PIP4K2A: variants seen among roughly 807,000 people sequenced by gnomAD.
PIP4K2A encodes the protein phosphatidylinositol 5-phosphate 4-kinase type-2 alpha.
In PIP4K2A, 14 loss-of-function variants were observed where a neutral mutation model predicts 42.9. That is an observed-to-expected ratio of 0.33 (90% CI 0.22 to 0.51). The LOEUF is 0.51. Ranked by LOEUF, PIP4K2A falls within the 20% of genes least tolerant of loss-of-function variation. The pLI is 0.97. For missense variants in PIP4K2A, 434 were observed against 519.8 expected, an observed-to-expected ratio of 0.83 and a Z score of 1.61; for synonymous variants, 192 against 192.2, an observed-to-expected ratio of 1.00 and a Z score of 0.01.
intron 6 of PIP4K2A, among the ~76,000 whole-genome samples, chr10:22,561,297 T>C (rs932669138): frequency 1.3e-5 from 2 of 152,260 alleles, no homozygotes; most frequent in Admixed American, 6.5e-5. Flanking sequence ...AGTGATTCCA[T>C]TGTTAGAATA....
At chr10:22,612,301 T>C (rs751104060) in intron 1 of PIP4K2A, among the ~76,000 whole-genome samples, 2 of 151,558 alleles carry the variant, frequency 1.3e-5, no homozygotes, top group Non-Finnish European at 2.9e-5. Context: ...AATGACAGAG[T>C]CAGGAGGGAG....
At chr10:22,633,334 C>T (rs774037510) in intron 1 of PIP4K2A, among the ~76,000 whole-genome samples, 1 of 152,174 alleles carries the variant, frequency 6.6e-6, no homozygotes, top group Non-Finnish European at 1.5e-5. Context: ...AAGCTGCTTA[C>T]GAGGTAGATG....
chr10:22,541,939 C>T lies in PIP4K2A; in HGVS notation c.901G>A (p.Glu301Lys), dbSNP rs1175688651. 2 of 1,613,946 alleles carry T rather than the reference C, an allele frequency of 1.2e-6. No homozygotes were observed. The highest frequency in any genetic ancestry group is 1.7e-6 in the Non-Finnish European group (2 of 1,179,984). ...GGGTGGGTGCCATCGCTCTCGCCCT[C>T]CTCCTCCCCATCGTTCTCCTCACAC... ...VECEENDGEE[E>K]GESDGTHPVG... The change falls in exon 8 of 10, where the codon GAG (glutamate) becomes AAG (lysine). Residue 301 changes from glutamate to lysine, a missense_variant. Coordinates refer to ENST00000376573, the MANE Select transcript of PIP4K2A (RefSeq NM_005028.5).
chr10:22,602,597 T>C (rs995959899), intron 3 of PIP4K2A, among the ~76,000 whole-genome samples: 1 of 152,082 alleles, frequency 6.6e-6, no homozygotes, highest in South Asian at 2.1e-4. Flanking sequence ...TCTGCCACCA[T>C]CCAAATACCT....
At chr10:22,607,120 G>GA (rs757335770) in intron 3 of PIP4K2A, among the ~76,000 whole-genome samples, 4 of 152,066 alleles carry the variant, frequency 2.6e-5, no homozygotes, top group African/African-American at 4.8e-5. Context: ...TTCTGATTGG[G>GA]ATACTCAACC....
intron 4 of PIP4K2A, among the ~76,000 whole-genome samples, chr10:22,580,452 T>C (rs1837243897): frequency 6.6e-6 from 1 of 151,836 alleles, no homozygotes; most frequent in South Asian, 2.1e-4. Context: ...GAGTTTGAGA[T>C]CAACCTGGCC....
At chr10:22,693,138 T>C (rs974570556) in intron 1 of PIP4K2A, among the ~76,000 whole-genome samples, 10 of 152,208 alleles carry the variant, frequency 6.6e-5, no homozygotes, top group Admixed American at 2.6e-4. Context: ...GTCCTCCCAT[T>C]AGACAAGGAT....
intron 1 of PIP4K2A, among the ~76,000 whole-genome samples, chr10:22,701,388 T>C (rs1459023356): frequency 6.6e-6 from 1 of 152,190 alleles, no homozygotes; most frequent in African/African-American, 2.4e-5. Context: ...TCAAACCTTT[T>C]AGGCTATGGG....
At chr10:22,570,444 T>C (rs1259357482) in intron 5 of PIP4K2A, among the ~76,000 whole-genome samples, 12 of 152,228 alleles carry the variant, frequency 7.9e-5, no homozygotes, top group Admixed American at 7.9e-4. Flanking sequence ...GAGCTGGTGC[T>C]GGCAAGGGCC....
At chr10:22,571,865 T>C (rs1249437344) in intron 5 of PIP4K2A, among the ~76,000 whole-genome samples, 1 of 152,244 alleles carries the variant, frequency 6.6e-6, no homozygotes, top group Non-Finnish European at 1.5e-5. Flanking sequence ...ACATTCCAAC[T>C]ATCTCACATT....
At chr10:22,670,444 C>G (rs1250411205) in intron 1 of PIP4K2A, among the ~76,000 whole-genome samples, 1 of 152,182 alleles carries the variant, frequency 6.6e-6, no homozygotes, top group African/African-American at 2.4e-5. Context: ...CATATGCAAA[C>G]AGCTGTGACC....
At chr10:22,699,263 T>C (rs187914082) in intron 1 of PIP4K2A, among the ~76,000 whole-genome samples, 15 of 152,262 alleles carry the variant, frequency 9.9e-5, no homozygotes, top group Admixed American at 9.8e-4. Flanking sequence ...AATTTATGAA[T>C]GGGTTGTGTT....
chr10:22,641,202 T>C (rs778778023), intron 1 of PIP4K2A, among the ~76,000 whole-genome samples: 3 of 152,174 alleles, frequency 2.0e-5, no homozygotes, highest in African/African-American at 2.4e-5. Flanking sequence ...CCTCATTTTA[T>C]AAATGAAGAG....
intron 1 of PIP4K2A, among the ~76,000 whole-genome samples, chr10:22,680,065 AATT>A (rs1839630293): frequency 6.6e-6 from 1 of 151,836 alleles, no homozygotes; most frequent in South Asian, 2.1e-4. Flanking sequence ...ATCATATGTG[AATT>A]ATATCTCAAT....
chr10:22,664,171 A>G lies in PIP4K2A; in HGVS notation c.144+50012T>C, dbSNP rs1165140451. ...TATATACACATATATATATATACATATATATATATACATATATATACATAT... is the reference window on the plus strand; with the variant it reads ...TATATACACATATATATATATACATGTATATATATACATATATATACATAT... On this transcript the variant is annotated intron_variant, in intron 1 of 9. Coordinates refer to ENST00000376573, the MANE Select transcript of PIP4K2A (RefSeq NM_005028.5). 2.2e-3 allele frequency among the ~76,000 whole-genome samples: 134 copies of G among 60,184 alleles called. 11 individuals are homozygous for G. Among genetic ancestry groups the G allele is most frequent in the African/African-American group, 0.017 (126 of 7,412 alleles). 39.5% of individuals were successfully genotyped at this position (60,184 alleles called of 152,430 possible). A position where few individuals can be genotyped will look rare whatever the true frequency, so the allele number is the denominator to read the frequency against.
In PIP4K2A at chr10:22,539,912, G is replaced by GGAGA. The variant is rs35358870; in HGVS notation, c.1140+55_1140+58dup. 3 of 452,170 alleles carry GGAGA rather than the reference G, an allele frequency of 6.6e-6. No individual in the cohort carries two copies. In the South Asian group the frequency reaches 9.8e-5, roughly 15 times the overall value. The allele number at this position is 452,170 out of a possible 1,614,324, so 28.0% of individuals were successfully genotyped here. A position where few individuals can be genotyped will look rare whatever the true frequency, so the allele number is the denominator to read the frequency against. On this transcript the variant is annotated intron_variant, in intron 9 of 9. Transcript: ENST00000376573. Reference sequence around the variant, plus strand: ...GAGAGAGAGAGAGAGAGAGAGAGAGGGAGAGAGAGAGAGAGAGAGGGAGAG... The same window carrying GGAGA: ...GAGAGAGAGAGAGAGAGAGAGAGAGGGAGAGAGAGAGAGAGAGAGAGAGGGAGAG...
intron 1 of PIP4K2A, among the ~76,000 whole-genome samples, chr10:22,670,514 G>C (rs1179110008): frequency 6.6e-6 from 1 of 152,060 alleles, no homozygotes; most frequent in Non-Finnish European, 1.5e-5. Context: ...CTCTTACTCG[G>C]CAATTCTTTA....
chr10:22,703,398 G>C (rs943463158), intron 1 of PIP4K2A, among the ~76,000 whole-genome samples: 1 of 152,120 alleles, frequency 6.6e-6, no homozygotes, highest in African/African-American at 2.4e-5. Context: ...AACAGAGCGA[G>C]ACCTTGTCTC....
chr10:22,668,323 C>CA (rs1465053851), intron 1 of PIP4K2A, among the ~76,000 whole-genome samples: 1 of 152,102 alleles, frequency 6.6e-6, no homozygotes, highest in Non-Finnish European at 1.5e-5. Flanking sequence ...CAACGTTTCC[C>CA]AGTAGGCCTT....
Sources: allele counts gnomAD v4.1 joint callset (sites outside exome capture counted in the v4.1 genomes callset), GRCh38; gene constraint gnomAD v4.1.1; transcripts MANE v1.5; gene names NCBI Gene and HGNC (gene_info 2026-07-23, HGNC 2026-07-21).